Variants in DMAC2L observed in about 807,000 individuals in gnomAD.
DMAC2L encodes distal membrane arm assembly component 2 like.
DMAC2L carries 21 observed loss-of-function variants against 22.5 expected under a neutral mutation model. The observed-to-expected ratio is 0.93, with a 90% CI of 0.66 to 1.34. DMAC2L has a LOEUF of 1.34. Ranked by LOEUF, DMAC2L falls within the 40% of genes most tolerant of loss-of-function variation. DMAC2L has a pLI of 0.00. For missense variants in DMAC2L, 239 were observed against 246.5 expected (o/e 0.97, Z 0.20); for synonymous variants, 86 against 89.5 (o/e 0.96, Z 0.22).
rs1340420062 is a variant in DMAC2L, at chr14:50,324,086, A to AC, written c.459dup (p.Lys154GlnfsTer19). ...ATAATATCCTGTGGGAATATCACAG[A>AC]CAAAGGCATCATTGCTTTGCGTCAT... On this transcript the variant is annotated frameshift_variant, in exon 5 of 6. Transcript: ENST00000557421. LOFTEE classifies it high-confidence loss of function. The AC allele has an allele frequency of 3.1e-6, 5 of 1,613,438 alleles. No individual in the cohort carries two copies. The highest frequency in any genetic ancestry group is 3.4e-6 in the Non-Finnish European group (4 of 1,179,732).
intron 2 of DMAC2L, among the ~76,000 whole-genome samples, chr14:50,316,387 C>T (rs117158585): frequency 1.3e-5 from 2 of 152,144 alleles, no homozygotes; most frequent in African/African-American, 4.8e-5. Context: ...CCTTTTGCCA[C>T]GCAAAAGCTC....
In DMAC2L at chr14:50,312,352, G is replaced by A; in HGVS notation, c.-79G>A. The A allele has an allele frequency of 2.9e-6, 2 of 686,896 alleles. No individual in the cohort carries two copies. Among genetic ancestry groups the A allele is most frequent in the Non-Finnish European group, 2.4e-6 (1 of 413,862 alleles). 42.6% of individuals were successfully genotyped at this position (686,896 alleles called of 1,614,324 possible). A position where few individuals can be genotyped will look rare whatever the true frequency, so the allele number is the denominator to read the frequency against. On this transcript the variant is annotated 5_prime_UTR_variant, in exon 1 of 6. Transcript: ENST00000557421. The stretch of plus-strand genomic sequence containing the variant: ...CCGGCCAGGGTGCCGCAGACGCGGG[G>A]ACGCTGGCTCGCTCCCTCCCTCCCT...
chr14:50,325,589 ACTTTTTT>A lies in DMAC2L; in HGVS notation c.489-15_489-9del. The A allele has an allele frequency of 6.3e-7, 1 of 1,585,146 alleles. No individual in the cohort carries two copies. The highest frequency in any genetic ancestry group is 8.6e-7 in the Non-Finnish European group (1 of 1,161,786). ...TAATGCTCTTGGCCAAATTGAAGTG[ACTTTTTT>A]CTTTATTTGCAGAAACCTCAAATAT... On this transcript the variant is annotated splice_polypyrimidine_tract_variant and intron_variant, in intron 5 of 5. Transcript: ENST00000557421.
rs2032721833 is a variant in DMAC2L at position 50,326,798 on chromosome 14, T to A, written c.*1075T>A. 1 of 973,956 alleles carries A rather than the reference T, an allele frequency of 1.0e-6. No individual in the cohort carries two copies. The allele number at this position is 973,956 out of a possible 1,614,324, so 60.3% of individuals were successfully genotyped here. A position where few individuals can be genotyped will look rare whatever the true frequency, so the allele number is the denominator to read the frequency against. On this transcript the variant is annotated 3_prime_UTR_variant, in exon 6 of 6. Transcript: ENST00000557421. The stretch of plus-strand genomic sequence containing the variant: ...GCTCGTGCCTGTAATCCCAGTGCTT[T>A]GGGAGGCTGAGGTGGGAGGATCACT...
At chr14:50,320,788 A>G (rs1392513445) in intron 2 of DMAC2L, among the ~76,000 whole-genome samples, 1 of 152,136 alleles carries the variant, frequency 6.6e-6, no homozygotes, top group Non-Finnish European at 1.5e-5. Flanking sequence ...CCCTGCACAC[A>G]CCTAGCATAC....
At chr14:50,316,786 G>A (rs931120002) in intron 2 of DMAC2L, among the ~76,000 whole-genome samples, 1 of 152,118 alleles carries the variant, frequency 6.6e-6, no homozygotes, top group African/African-American at 2.4e-5. Flanking sequence ...ATGCTGTTTT[G>A]GTGACTATGG....
At chr14:50,322,178 T>C (rs1357265981) in intron 3 of DMAC2L, among the ~76,000 whole-genome samples, 1 of 152,250 alleles carries the variant, frequency 6.6e-6, no homozygotes, top group Admixed American at 6.5e-5. Flanking sequence ...CCAAGTATAG[T>C]CATTCGTAGA....
At chr14:50,319,621 T>C (rs903139795) in intron 2 of DMAC2L, among the ~76,000 whole-genome samples, 15 of 152,226 alleles carry the variant, frequency 9.9e-5, no homozygotes, top group Non-Finnish European at 1.3e-4. Context: ...TTCAGTTTCC[T>C]CACCTCTAAA....
rs373076938 is a variant in DMAC2L at position 50,322,651 on chromosome 14, A to G, written c.248A>G (p.Asp83Gly). The change falls in exon 4 of 6, where the codon GAC (aspartate) becomes GGC (glycine). Residue 83 changes from aspartate to glycine, a missense_variant. Physicochemically the swap from Asp to Gly is moderately conservative, Grantham distance 94. Transcript: ENST00000557421. ...DYNHLPTGPLDKYKIQAIDAT... is the reference protein window; with the variant it reads ...DYNHLPTGPLGKYKIQAIDAT... ...AACCACCTTCCAACAGGCCCTCTGG[A>G]CAAATACAAGATTCAGGCGATCGAC... 6.2e-7 allele frequency: 1 copy of G among 1,614,144 alleles called. No homozygotes were observed. Among genetic ancestry groups the G allele is most frequent in the South Asian group, 1.1e-5 (1 of 91,082 alleles).
At chr14:50,313,025 G>A in intron 1 of DMAC2L, 2 of 1,614,132 alleles carry the variant, frequency 1.2e-6, no homozygotes, top group South Asian at 2.2e-5. Flanking sequence ...TTTTAAATGT[G>A]CTGTGCGGTC....
intron 2 of DMAC2L, among the ~76,000 whole-genome samples, chr14:50,318,640 C>G (rs1163164362): frequency 6.6e-6 from 1 of 152,056 alleles, no homozygotes; most frequent in Non-Finnish European, 1.5e-5. Context: ...AGATGCCATC[C>G]TTGTTCTTTT....
chr14:50,325,528 TTTTC>T (rs1371509639), intron 5 of DMAC2L, 77 bp from the exon 6 acceptor site: 14 of 1,447,574 alleles, frequency 9.7e-6, no homozygotes, highest in East Asian at 4.7e-5. Flanking sequence ...TTCTACATAA[TTTTC>T]TTTCTTTAAG....
chr14:50,320,591 G>T (rs894120754), intron 2 of DMAC2L, among the ~76,000 whole-genome samples: 2 of 152,146 alleles, frequency 1.3e-5, no homozygotes, highest in African/African-American at 2.4e-5. Flanking sequence ...ACCTTTGTTT[G>T]TTGAAATCCT....
intron 2 of DMAC2L, among the ~76,000 whole-genome samples, chr14:50,315,936 G>A (rs1266272162): frequency 2.6e-5 from 4 of 152,146 alleles, no homozygotes; most frequent in African/African-American, 9.7e-5. Context: ...TAGTGGAATT[G>A]CTCGATCAAA....
At position 50,322,728 on chromosome 14, in the gene DMAC2L, C is replaced by A. The variant is rs144297761; in HGVS notation, c.316+9C>A. The stretch of plus-strand genomic sequence containing the variant: ...TGGATTTGATCACATGGGTAACTAC[C>A]CTATCGTTTTGCTAATAGAAAATGC... On this transcript the variant is annotated intron_variant, in intron 4 of 5. Transcript: ENST00000557421. 15 of 1,614,054 alleles carry A rather than the reference C, an allele frequency of 9.3e-6. No individual in the cohort carries two copies. The African/African-American group carries it at 1.7e-4, about 19-fold the overall frequency.
chr14:50,313,653 T>A (rs936962963), intron 1 of DMAC2L, among the ~76,000 whole-genome samples: 1 of 152,242 alleles, frequency 6.6e-6, no homozygotes, highest in African/African-American at 2.4e-5. Flanking sequence ...TACCCAGTCT[T>A]CCCAGTGGTA....
Position 50,323,994 on chromosome 14 carries a change from C to G in DMAC2L, c.366C>G (p.Ile122Met). 6.2e-7 allele frequency: 1 copy of G among 1,613,692 alleles called. No homozygotes were observed. Among genetic ancestry groups the G allele is most frequent in the Non-Finnish European group, 8.5e-7 (1 of 1,179,846 alleles). The change falls in exon 5 of 6, where the codon ATC becomes ATG. Residue 122 changes from isoleucine to methionine, a missense_variant. Ile to Met is a conservative substitution (Grantham distance 10). Coordinates refer to ENST00000557421, the MANE Select transcript of DMAC2L (RefSeq NM_001382507.1). Reference sequence around the variant, plus strand: ...TAAGGCTGTGCAAGTGTCATTATATCGAGGATGACTGTTTGCTGAGACTTA... The same window carrying G: ...TAAGGCTGTGCAAGTGTCATTATATGGAGGATGACTGTTTGCTGAGACTTA... ...EKIRLCKCHY[I>M]EDDCLLRLSQ...
At chr14:50,319,019 C>A (rs1390665775) in intron 2 of DMAC2L, 3 of 985,068 alleles carry the variant, frequency 3.0e-6, no homozygotes, top group Non-Finnish European at 3.6e-6. Context: ...ATTTTTTGAG[C>A]GAATGAATGA....
chr14:50,326,584 A>G lies in DMAC2L; in HGVS notation c.*861A>G, dbSNP rs1595229680. The G allele has an allele frequency of 2.0e-6, 2 of 985,460 alleles. No homozygotes were observed. Among genetic ancestry groups the G allele is most frequent in the South Asian group, 9.4e-5 (2 of 21,294 alleles). The allele number at this position is 985,460 out of a possible 1,614,324, so 61.0% of individuals were successfully genotyped here. A position where few individuals can be genotyped will look rare whatever the true frequency, so the allele number is the denominator to read the frequency against. On this transcript the variant is annotated 3_prime_UTR_variant, in exon 6 of 6. Coordinates refer to ENST00000557421, the MANE Select transcript of DMAC2L (RefSeq NM_001382507.1). ...TTGATAGCATACAGACTTACTCAGA[A>G]TCAACAGTTGCTGCTTAATTTGTCT... is the stretch of plus-strand genomic sequence containing the variant.
Sources: gnomAD v4.1 joint callset for allele counts (sites outside exome capture counted in the v4.1 genomes callset) on GRCh38, gnomAD v4.1.1 for gene constraint, MANE v1.5 for transcripts, NCBI Gene and HGNC (gene_info 2026-07-23, HGNC 2026-07-21) for gene names.